The following MSRA variants were observed in gnomAD, a reference collection of about 807,000 sequenced individuals.
MSRA encodes mitochondrial peptide methionine sulfoxide reductase.
Under a neutral mutation model 31.3 loss-of-function variants are expected in MSRA, and 54 were observed. That is an observed-to-expected ratio of 1.73 (90% CI 1.39 to 2.17). MSRA has a LOEUF of 2.17. Among genes scored for constraint, MSRA ranks in the 30% most tolerant of loss-of-function variants. The pLI, the probability that MSRA is intolerant of heterozygous loss-of-function variation, is 0.00. For missense variants in MSRA, 507 were observed against 300.9 expected, an observed-to-expected ratio of 1.69 and a Z score of -5.07; for synonymous variants, 169 against 116.5, an observed-to-expected ratio of 1.45 and a Z score of -2.90.
chr8:10,094,443 A>C (rs1385040059), intron 1 of MSRA, among the ~76,000 whole-genome samples: 1 of 152,236 alleles, frequency 6.6e-6, no homozygotes, highest in Non-Finnish European at 1.5e-5. Context: ...ATTACTATGC[A>C]ATTAGGATGA....
intron 1 of MSRA, among the ~76,000 whole-genome samples, chr8:10,199,073 C>A (rs1465591143): frequency 6.6e-6 from 1 of 152,118 alleles, no homozygotes; most frequent in African/African-American, 2.4e-5. Context: ...ATATCAGTTC[C>A]CATCATTCCT....
At chr8:10,256,603 CTTT>C (rs1270776561) in intron 3 of MSRA, among the ~76,000 whole-genome samples, 7 of 152,096 alleles carry the variant, frequency 4.6e-5, no homozygotes, top group African/African-American at 7.2e-5. Context: ...ACTTACTTTT[CTTT>C]TCTGAGCCAC....
At chr8:10,103,944 G>C (rs149485987) in intron 1 of MSRA, among the ~76,000 whole-genome samples, 2 of 151,994 alleles carry the variant, frequency 1.3e-5, no homozygotes, top group Admixed American at 6.6e-5. Flanking sequence ...GAATTACAGC[G>C]TATACATGTA....
intron 1 of MSRA, among the ~76,000 whole-genome samples, chr8:10,134,461 G>A (rs577060072): frequency 2.6e-5 from 4 of 152,304 alleles, no homozygotes; most frequent in African/African-American, 4.8e-5. Flanking sequence ...TCCCTGTGCC[G>A]GTGTTGCTCC....
chr8:10,256,768 G>C (rs888184884), intron 3 of MSRA, among the ~76,000 whole-genome samples: 1 of 152,004 alleles, frequency 6.6e-6, no homozygotes, highest in Non-Finnish European at 1.5e-5. Flanking sequence ...GTATTTCTCT[G>C]TCCCCCCGAG....
intron 4 of MSRA, among the ~76,000 whole-genome samples, chr8:10,308,577 T>C (rs1343270713): frequency 6.6e-6 from 1 of 152,228 alleles, no homozygotes; most frequent in African/African-American, 2.4e-5. Flanking sequence ...TTCTTTGGGA[T>C]GAGATCCGGA....
intron 2 of MSRA, among the ~76,000 whole-genome samples, chr8:10,213,876 C>T (rs973901716): frequency 6.6e-6 from 1 of 152,020 alleles, no homozygotes; most frequent in African/African-American, 2.4e-5. Flanking sequence ...AAGGTGTGAA[C>T]CCGTACCATT....
intron 1 of MSRA, among the ~76,000 whole-genome samples, chr8:10,076,206 C>G (rs1253815574): frequency 6.6e-6 from 1 of 152,228 alleles, no homozygotes; most frequent in African/African-American, 2.4e-5. Context: ...GTACCTGGCT[C>G]CTGCCAGTTG....
At chr8:10,206,487 A>C (rs1420028531) in intron 1 of MSRA, among the ~76,000 whole-genome samples, 2 of 152,210 alleles carry the variant, frequency 1.3e-5, no homozygotes, top group Non-Finnish European at 2.9e-5. Flanking sequence ...CCTAAGGGCT[A>C]CAGGCAGCTT....
intron 3 of MSRA, among the ~76,000 whole-genome samples, chr8:10,273,885 C>T (rs1799176402): frequency 6.6e-6 from 1 of 152,096 alleles, no homozygotes; most frequent in Non-Finnish European, 1.5e-5. Context: ...TGGCACCTTC[C>T]TATCTGCGGA....
At chr8:10,098,599 T>A (rs952087247) in intron 1 of MSRA, among the ~76,000 whole-genome samples, 1 of 152,212 alleles carries the variant, frequency 6.6e-6, no homozygotes, top group African/African-American at 2.4e-5. Flanking sequence ...AGTACTATAA[T>A]GAGATTAATT....
intron 5 of MSRA, among the ~76,000 whole-genome samples, chr8:10,382,756 C>T (rs982891230): frequency 6.6e-6 from 1 of 152,194 alleles, no homozygotes; most frequent in Non-Finnish European, 1.5e-5. Context: ...GGACTCTTCT[C>T]CTTAGTCATG....
intron 1 of MSRA, among the ~76,000 whole-genome samples, chr8:10,175,905 C>A (rs932747415): frequency 6.6e-6 from 1 of 151,934 alleles, no homozygotes; most frequent in Non-Finnish European, 1.5e-5. Flanking sequence ...TCATTCCTTA[C>A]AATAGATGTA....
chr8:10,269,671 G>A (rs1798928075), intron 3 of MSRA, among the ~76,000 whole-genome samples: 1 of 151,730 alleles, frequency 6.6e-6, no homozygotes, highest in African/African-American at 2.4e-5. Flanking sequence ...TGTTTTTTGA[G>A]ACAGAGTCTG....
chr8:10,341,440 C>G (rs1395189177), intron 5 of MSRA, among the ~76,000 whole-genome samples: 4 of 152,206 alleles, frequency 2.6e-5, no homozygotes, highest in Admixed American at 6.5e-5. Flanking sequence ...ATGGTCCAAG[C>G]CATTCATGAA....
chr8:10,196,179 G>A lies in MSRA; in HGVS notation c.143-11654G>A, dbSNP rs532502277. 5.3e-5 allele frequency among the ~76,000 whole-genome samples: 8 copies of A among 152,352 alleles called. No homozygotes were observed. The South Asian group carries it at 8.3e-4, about 16-fold the overall frequency. On this transcript the variant is annotated intron_variant, in intron 1 of 5. Coordinates refer to ENST00000317173, the MANE Select transcript of MSRA (RefSeq NM_012331.5). ...GACAGTGTGGTACATGCTTAAGGCC[G>A]CTGACATGTTCACAAGGAAGAGAGA...
intron 3 of MSRA, among the ~76,000 whole-genome samples, chr8:10,270,191 T>C (rs966017162): frequency 1.3e-5 from 2 of 152,244 alleles, no homozygotes; most frequent in African/African-American, 4.8e-5. Context: ...ATGTGTTTTA[T>C]ATATCTGTCT....
Position 10,076,245 on chromosome 8 carries a change from C to T in MSRA, c.142+21587C>T, listed in dbSNP as rs572505461. The stretch of plus-strand genomic sequence containing the variant: ...AGAATGTTTGTTTTGCAGTGTGATG[C>T]GTCCAGTAGGGACACTTAGGGGACA... On this transcript the variant is annotated intron_variant, in intron 1 of 5. Coordinates refer to ENST00000317173, the MANE Select transcript of MSRA (RefSeq NM_012331.5). Among the ~76,000 whole-genome samples the T allele has an allele frequency of 1.9e-4, 29 of 152,352 alleles. No individual in the cohort carries two copies. The South Asian group carries it at 5.4e-3, about 28-fold the overall frequency.
chr8:10,082,047 T>C (rs1359970891), intron 1 of MSRA, among the ~76,000 whole-genome samples: 3 of 151,964 alleles, frequency 2.0e-5, no homozygotes, highest in Non-Finnish European at 4.4e-5. Context: ...TACAAAAATA[T>C]ATTATGCAAT....
Sources: gnomAD v4.1 joint callset for allele counts (sites outside exome capture counted in the v4.1 genomes callset) on GRCh38, gnomAD v4.1.1 for gene constraint, MANE v1.5 for transcripts, NCBI Gene and HGNC (gene_info 2026-07-23, HGNC 2026-07-21) for gene names.